Variants in SLC27A6 observed in about 807,000 individuals in gnomAD.
SLC27A6 encodes the protein solute carrier family 27 member 6.
SLC27A6 carries 74 observed loss-of-function variants against 63.9 expected under a neutral mutation model. The ratio of observed to expected loss-of-function variants is 1.16; its 90% CI spans 0.96 to 1.40. SLC27A6 has a LOEUF of 1.40. Among genes scored for constraint, SLC27A6 ranks in the 40% most tolerant of loss-of-function variants. The pLI is 0.00. For synonymous variants in SLC27A6, 287 were observed against 260.8 expected, an observed-to-expected ratio of 1.10 and a Z score of -0.97; for missense variants, 794 against 732.9, an observed-to-expected ratio of 1.08 and a Z score of -0.96.
Position 129,015,987 on chromosome 5 carries a change from T to C in SLC27A6, c.1072T>C (p.Cys358Arg), listed in dbSNP as rs148039047. ...FLDRFGNIKV[C>R]ELYAATESSI... Reference sequence around the variant, plus strand: ...AGACAGATTTGGAAATATAAAGGTGTGTGAACTTTATGCAGCTACCGAATC... The same window carrying C: ...AGACAGATTTGGAAATATAAAGGTGCGTGAACTTTATGCAGCTACCGAATC... Residue 358 changes from cysteine to arginine, a missense_variant, in exon 5 of 10, where the codon TGT (cysteine) becomes CGT (arginine). Coordinates refer to ENST00000262462, the MANE Select transcript of SLC27A6 (RefSeq NM_001017372.3). The C allele has an allele frequency of 2.7e-5, 43 of 1,610,260 alleles. No homozygotes were observed. In the African/African-American group the frequency reaches 2.9e-4, roughly 11 times the overall value.
intron 2 of SLC27A6, among the ~76,000 whole-genome samples, chr5:128,987,928 GAAAAAGCCT>G (rs915886219): frequency 1.3e-5 from 2 of 152,016 alleles, no homozygotes; most frequent in African/African-American, 4.8e-5. Flanking sequence ...TTGTTAGACT[GAAAAAGCCT>G]AAAAATTTCC....
chr5:128,975,714 T>C (rs889343098), intron 1 of SLC27A6, among the ~76,000 whole-genome samples: 1 of 152,186 alleles, frequency 6.6e-6, no homozygotes, highest in African/African-American at 2.4e-5. Flanking sequence ...TGAGCCCATG[T>C]TTACCTGATA....
At chr5:128,989,908 G>A (rs1373381327) in intron 3 of SLC27A6, among the ~76,000 whole-genome samples, 7 of 144,956 alleles carry the variant, frequency 4.8e-5, no homozygotes, top group Non-Finnish European at 7.5e-5. Context: ...TGGATGACAG[G>A]GTGAGACTCC....
intron 3 of SLC27A6, among the ~76,000 whole-genome samples, chr5:128,989,083 G>A (rs940942994): frequency 1.3e-5 from 2 of 152,152 alleles, no homozygotes; most frequent in Admixed American, 6.5e-5. Context: ...AAGGGAGTGA[G>A]TATGGAAGCT....
At chr5:129,030,616 AG>A (rs1752387481) in intron 9 of SLC27A6, among the ~76,000 whole-genome samples, 1 of 152,028 alleles carries the variant, frequency 6.6e-6, no homozygotes, top group Non-Finnish European at 1.5e-5. Flanking sequence ...GAAACACTAA[AG>A]GTAAGTAAAT....
At chr5:129,001,784 G>A (rs1751342930) in intron 4 of SLC27A6, among the ~76,000 whole-genome samples, 1 of 152,164 alleles carries the variant, frequency 6.6e-6, no homozygotes, top group East Asian at 1.9e-4. Flanking sequence ...CATATAAAGA[G>A]GTTATTCAGC....
chr5:128,978,102 A>C (rs1750453280), intron 1 of SLC27A6, among the ~76,000 whole-genome samples: 1 of 152,208 alleles, frequency 6.6e-6, no homozygotes, highest in Admixed American at 6.5e-5. Flanking sequence ...AGACTTCTGC[A>C]AGTATTTTTG....
chr5:129,002,831 C>T (rs1194498268), intron 4 of SLC27A6, among the ~76,000 whole-genome samples: 1 of 152,200 alleles, frequency 6.6e-6, no homozygotes, highest in Non-Finnish European at 1.5e-5. Context: ...TGAGACAATA[C>T]AATACTTTGA....
chr5:128,979,841 A>T (rs1245790443), intron 1 of SLC27A6, among the ~76,000 whole-genome samples: 1 of 152,240 alleles, frequency 6.6e-6, no homozygotes, highest in Non-Finnish European at 1.5e-5. Context: ...TATTCAGGGC[A>T]GTTAAATCAT....
intron 2 of SLC27A6, among the ~76,000 whole-genome samples, chr5:128,987,251 G>C (rs1326404755): frequency 6.6e-6 from 1 of 152,070 alleles, no homozygotes; most frequent in Non-Finnish European, 1.5e-5. Flanking sequence ...TGAGGAATCT[G>C]AATAGCCCAC....
intron 1 of SLC27A6, among the ~76,000 whole-genome samples, chr5:128,969,113 G>A (rs1036671222): frequency 5.9e-5 from 9 of 152,006 alleles, no homozygotes; most frequent in Non-Finnish European, 8.8e-5. Context: ...GTTCTGCTCC[G>A]TTGGTCTATA....
intron 1 of SLC27A6, among the ~76,000 whole-genome samples, chr5:128,975,154 C>T (rs1283958728): frequency 1.3e-5 from 2 of 152,130 alleles, no homozygotes; most frequent in African/African-American, 4.8e-5. Flanking sequence ...AGTTTGAGAC[C>T]AGCCTGGCCA....
In SLC27A6 at chr5:128,966,477, A is replaced by G. The variant is rs1305233230; in HGVS notation, c.340A>G (p.Asn114Asp). ...GGACACGGTGGCTCTGCTGATGAGC[A>G]ATGAGCCGGACTTCGTTCACGTGTG... ...KGDTVALLMS[N>D]EPDFVHVWFG... Residue 114 changes from asparagine (N) to aspartate (D), a missense_variant, in exon 1 of 10, where the codon AAT becomes GAT. Coordinates refer to ENST00000262462, the MANE Select transcript of SLC27A6 (RefSeq NM_001017372.3). 1 of 1,609,042 alleles carries G rather than the reference A, an allele frequency of 6.2e-7. No individual in the cohort carries two copies. Among genetic ancestry groups the G allele is most frequent in the Non-Finnish European group, 8.5e-7 (1 of 1,177,894 alleles).
rs1045440077 is a variant in SLC27A6, at chr5:128,968,728, A to G, written c.481+2110A>G. Among the ~76,000 whole-genome samples the G allele has an allele frequency of 1.2e-4, 18 of 152,096 alleles. 1 individual carries two copies. The highest frequency in any genetic ancestry group is 3.9e-4 in the Admixed American group (6 of 15,284). On this transcript the variant is annotated intron_variant, in intron 1 of 9. Coordinates refer to ENST00000262462, the MANE Select transcript of SLC27A6 (RefSeq NM_001017372.3). ...TTCTATAGGTTGCCTGTTCACTCTGATGGCAGTTTCTTTTGCTGTACAGAA... is the reference window on the plus strand; with the variant it reads ...TTCTATAGGTTGCCTGTTCACTCTGGTGGCAGTTTCTTTTGCTGTACAGAA...
intron 9 of SLC27A6, among the ~76,000 whole-genome samples, chr5:129,030,705 T>C (rs1238679380): frequency 1.3e-5 from 2 of 152,014 alleles, no homozygotes; most frequent in Admixed American, 1.3e-4. Context: ...TAAGAAATAA[T>C]AAGAGAGAAC....
chr5:129,018,480 T>C (rs1751977791), intron 5 of SLC27A6, among the ~76,000 whole-genome samples: 1 of 152,124 alleles, frequency 6.6e-6, no homozygotes, highest in Admixed American at 6.5e-5. Flanking sequence ...ATTTTTATAA[T>C]GCATTCTTTT....
intron 1 of SLC27A6, among the ~76,000 whole-genome samples, chr5:128,977,359 G>A (rs571196047): frequency 1.3e-4 from 20 of 152,146 alleles, no homozygotes; most frequent in Admixed American, 2.6e-4. Flanking sequence ...AGAGCTTTAT[G>A]ATTGGAGGGA....
chr5:128,974,052 G>A lies in SLC27A6; in HGVS notation c.481+7434G>A, dbSNP rs1041241382. On this transcript the variant is annotated intron_variant, in intron 1 of 9. Transcript: ENST00000262462. ...TTCTGTTTACAAGGGCCAACCAAGA[G>A]GGCCACAGTGTCCCTGAAAAAATGG... Among the ~76,000 whole-genome samples, 3 of 152,206 alleles carry A rather than the reference G, an allele frequency of 2.0e-5. 1 individual carries two copies. Among genetic ancestry groups the A allele is most frequent in the South Asian group, 4.1e-4 (2 of 4,836 alleles).
intron 1 of SLC27A6, among the ~76,000 whole-genome samples, chr5:128,973,887 C>A (rs1486626151): frequency 6.6e-6 from 1 of 152,214 alleles, no homozygotes; most frequent in African/African-American, 2.4e-5. Flanking sequence ...GGTGCTGTTC[C>A]TATTCAGCTA....
Sources: gnomAD v4.1 joint callset for allele counts (sites outside exome capture counted in the v4.1 genomes callset) on GRCh38, gnomAD v4.1.1 for gene constraint, MANE v1.5 for transcripts, NCBI Gene and HGNC (gene_info 2026-07-23, HGNC 2026-07-21) for gene names.